Variants in ADAMTSL1 observed in about 807,000 individuals in gnomAD.
The protein encoded by ADAMTSL1 is ADAMTS like 1.
In ADAMTSL1, 126 loss-of-function variants were observed where a neutral mutation model predicts 201.8. The observed-to-expected ratio is 0.62, with a 90% CI of 0.54 to 0.72. The LOEUF (loss-of-function observed/expected upper bound fraction) is 0.72, where lower values mean the gene tolerates loss of function less well. Ranked by LOEUF, ADAMTSL1 falls within the 30% of genes least tolerant of loss-of-function variation. The pLI is 0.00. For missense variants in ADAMTSL1, 2,679 were observed against 2,277.8 expected (o/e 1.18, Z -3.59); for synonymous variants, 1,121 against 903.4 (o/e 1.24, Z -4.32).
At chr9:18,311,834 A>G (rs1324377647) in intron 2 of ADAMTSL1, among the ~76,000 whole-genome samples, 1 of 152,190 alleles carries the variant, frequency 6.6e-6, no homozygotes, top group Non-Finnish European at 1.5e-5. Flanking sequence ...GGGCTGCAAT[A>G]AAGATCTCCC....
intron 3 of ADAMTSL1, among the ~76,000 whole-genome samples, chr9:18,539,231 C>A (rs555043162): frequency 6.6e-6 from 1 of 152,172 alleles, no homozygotes; most frequent in Non-Finnish European, 1.5e-5. Flanking sequence ...AACTCCTGTT[C>A]TGTACTAGGG....
At chr9:18,765,134 C>T (rs1355511796) in intron 16 of ADAMTSL1, among the ~76,000 whole-genome samples, 1 of 152,152 alleles carries the variant, frequency 6.6e-6, no homozygotes, top group Non-Finnish European at 1.5e-5. Context: ...TCTTATTTAA[C>T]TACTTGTTTA....
At chr9:18,635,810 T>A (rs1258001694) in intron 5 of ADAMTSL1, 133 bp from the exon 6 acceptor site, 1 of 662,034 alleles carries the variant, frequency 1.5e-6, no homozygotes, top group African/African-American at 1.9e-5. Context: ...TTCTAAATAT[T>A]GGCCTTCACA....
At chr9:18,880,635 A>G (rs779867252) in intron 23 of ADAMTSL1, among the ~76,000 whole-genome samples, 27 of 152,190 alleles carry the variant, frequency 1.8e-4, no homozygotes, top group Non-Finnish European at 3.5e-4. Context: ...TTGTTCTTCC[A>G]TTTATAGAGC....
chr9:18,304,252 C>A, intron 2 of ADAMTSL1, among the ~76,000 whole-genome samples: 1 of 151,942 alleles, frequency 6.6e-6, no homozygotes, highest in Non-Finnish European at 1.5e-5. Flanking sequence ...GTGACGGTGG[C>A]AAGAAGGGGG....
intron 23 of ADAMTSL1, among the ~76,000 whole-genome samples, chr9:18,860,508 TA>T (rs11385571): frequency 1.8e-3 from 258 of 146,640 alleles, no homozygotes; most frequent in Admixed American, 2.0e-3. Flanking sequence ...ATCTGGCCCT[TA>T]AAAAAAAAAA....
chr9:18,039,280 T>C (rs1360421527), intron 1 of ADAMTSL1, among the ~76,000 whole-genome samples: 2 of 152,192 alleles, frequency 1.3e-5, no homozygotes, highest in East Asian at 1.9e-4. Flanking sequence ...AGCAAATAAA[T>C]AGTTTTATCT....
At chr9:18,295,173 A>G (rs1383131459) in intron 2 of ADAMTSL1, among the ~76,000 whole-genome samples, 1 of 152,170 alleles carries the variant, frequency 6.6e-6, no homozygotes, top group Admixed American at 6.5e-5. Context: ...TTTGCAACCC[A>G]AAAGTGATGA....
chr9:18,292,845 A>C (rs1020036359), intron 2 of ADAMTSL1, among the ~76,000 whole-genome samples: 7 of 152,286 alleles, frequency 4.6e-5, no homozygotes, highest in African/African-American at 1.7e-4. Context: ...CTTGTTCCTC[A>C]ACTTGCAGAT....
rs147721521 is a variant in ADAMTSL1, at chr9:18,877,454, G to C, written c.4250-10377G>C. Among the ~76,000 whole-genome samples the C allele has an allele frequency of 2.4e-3, 372 of 152,302 alleles. 4 individuals are homozygous for C. Among genetic ancestry groups the C allele is most frequent in the African/African-American group, 8.4e-3 (349 of 41,566 alleles). On this transcript the variant is annotated intron_variant, in intron 23 of 28. Coordinates refer to ENST00000380548, the MANE Select transcript of ADAMTSL1 (RefSeq NM_001040272.6). ...ATGTGGTGCTCTCCCACTTCCCCTA[G>C]GGATGGGGCTTTCTGGGAGCTGAAC...
chr9:18,395,164 C>T (rs959174608), intron 2 of ADAMTSL1, among the ~76,000 whole-genome samples: 1 of 152,148 alleles, frequency 6.6e-6, no homozygotes, highest in Non-Finnish European at 1.5e-5. Flanking sequence ...AGTATTATGT[C>T]GGATCTCCAG....
intron 1 of ADAMTSL1, among the ~76,000 whole-genome samples, chr9:18,072,436 A>G (rs993168555): frequency 1.3e-5 from 2 of 152,294 alleles, no homozygotes; most frequent in Non-Finnish European, 2.9e-5. Flanking sequence ...TTCTGAACTT[A>G]TATTTGAGAA....
Position 18,611,567 on chromosome 9 carries a change from A to T in ADAMTSL1, c.475-10676A>T, listed in dbSNP as rs115008246. On this transcript the variant is annotated intron_variant, in intron 4 of 28. Transcript: ENST00000380548. ...TGTCCAAGACCCTGAAGTAAATAAGACGAGAACACAATAAATCAGACTGGG... is the reference window on the plus strand; with the variant it reads ...TGTCCAAGACCCTGAAGTAAATAAGTCGAGAACACAATAAATCAGACTGGG... 5.4e-3 allele frequency among the ~76,000 whole-genome samples: 818 copies of T among 152,326 alleles called. 8 individuals carry two copies. The highest frequency in any genetic ancestry group is 0.018 in the African/African-American group (768 of 41,580).
chr9:18,889,537 C>G (rs554004669), intron 24 of ADAMTSL1, 31 bp from the exon 25 acceptor site: 2 of 1,609,274 alleles, frequency 1.2e-6, no homozygotes, highest in African/African-American at 2.7e-5. Flanking sequence ...ATGCTATATT[C>G]TTTTCTACAC....
At chr9:18,367,587 A>G (rs1794504481) in intron 2 of ADAMTSL1, among the ~76,000 whole-genome samples, 1 of 151,980 alleles carries the variant, frequency 6.6e-6, no homozygotes, top group Non-Finnish European at 1.5e-5. Context: ...AAATATATAT[A>G]TATGATAGCT....
intron 1 of ADAMTSL1, among the ~76,000 whole-genome samples, chr9:18,480,044 A>T (rs927317305): frequency 1.3e-5 from 2 of 152,212 alleles, no homozygotes; most frequent in African/African-American, 4.8e-5. Flanking sequence ...TGGATGTTTC[A>T]TATATTTTTT....
chr9:18,644,427 T>G (rs1827652166), intron 7 of ADAMTSL1, among the ~76,000 whole-genome samples: 1 of 152,120 alleles, frequency 6.6e-6, no homozygotes, highest in Admixed American at 6.6e-5. Flanking sequence ...AGGGTACATA[T>G]GCACAATGTG....
At chr9:17,982,735 G>A (rs1818760623) in intron 1 of ADAMTSL1, among the ~76,000 whole-genome samples, 1 of 152,130 alleles carries the variant, frequency 6.6e-6, no homozygotes, top group Non-Finnish European at 1.5e-5. Flanking sequence ...AACACTGGGA[G>A]AGAATAAAAT....
chr9:18,837,083 G>A (rs549844870), intron 23 of ADAMTSL1, among the ~76,000 whole-genome samples: 77 of 152,194 alleles, frequency 5.1e-4, no homozygotes, highest in Admixed American at 7.2e-4. Context: ...TTCTTATTGG[G>A]ATGCCTTTTA....
Sources: gnomAD v4.1 joint callset for allele counts (sites outside exome capture counted in the v4.1 genomes callset) on GRCh38, gnomAD v4.1.1 for gene constraint, MANE v1.5 for transcripts, NCBI Gene and HGNC (gene_info 2026-07-23, HGNC 2026-07-21) for gene names.